Variants in UGP2 observed in about 807,000 individuals in gnomAD.
UGP2 encodes UDP-glucose pyrophosphorylase 2.
UGP2 carries 40 observed loss-of-function variants against 49.0 expected under a neutral mutation model. That is an observed-to-expected ratio of 0.82 (90% CI 0.63 to 1.06). UGP2 has a LOEUF of 1.06. UGP2 is among the 50% of genes least tolerant of loss of function. The pLI is 0.00. For synonymous variants in UGP2, 225 were observed against 213.0 expected, an observed-to-expected ratio of 1.06 and a Z score of -0.49; for missense variants, 460 against 603.5, an observed-to-expected ratio of 0.76 and a Z score of 2.49.
intron 1 of UGP2, among the ~76,000 whole-genome samples, chr2:63,847,432 A>C (rs992351792): frequency 1.3e-5 from 2 of 152,198 alleles, no homozygotes; most frequent in Non-Finnish European, 1.5e-5. Flanking sequence ...GTAGTTTCCT[A>C]GTTCCCACCA....
chr2:63,880,522 TTA>T (rs1343552997), intron 3 of UGP2, among the ~76,000 whole-genome samples: 1 of 152,146 alleles, frequency 6.6e-6, no homozygotes, highest in Non-Finnish European at 1.5e-5. Flanking sequence ...AGCTACCCTG[TTA>T]TATCAGGGTG....
intron 1 of UGP2, among the ~76,000 whole-genome samples, chr2:63,846,589 G>A (rs972090602): frequency 6.6e-6 from 1 of 152,186 alleles, no homozygotes; most frequent in African/African-American, 2.4e-5. Flanking sequence ...AGGCCTATCA[G>A]CTTTCCCATT....
At chr2:63,886,935 G>C (rs1220060140) in intron 7 of UGP2, among the ~76,000 whole-genome samples, 2 of 152,176 alleles carry the variant, frequency 1.3e-5, no homozygotes, top group Admixed American at 1.3e-4. Flanking sequence ...ACATGTTTAA[G>C]AGTTTGGCAT....
At chr2:63,849,324 ATTTTC>A (rs892848473) in intron 1 of UGP2, among the ~76,000 whole-genome samples, 4 of 152,182 alleles carry the variant, frequency 2.6e-5, no homozygotes, top group Non-Finnish European at 4.4e-5. Flanking sequence ...TGGAGTTTGT[ATTTTC>A]TTCTATTTGC....
At chr2:63,885,920 T>G (rs369910572) in intron 6 of UGP2, 34 bp downstream of exon 6, 99 of 1,502,232 alleles carry the variant, frequency 6.6e-5, no homozygotes, top group Non-Finnish European at 8.6e-5. Flanking sequence ...TAGGGCTTCA[T>G]GTTTTCACAT....
chr2:63,865,557 GAGAC>G (rs1670128331), intron 3 of UGP2, among the ~76,000 whole-genome samples: 1 of 112,322 alleles, frequency 8.9e-6, no homozygotes, highest in Non-Finnish European at 1.8e-5. Context: ...TTTTTTTAAA[GAGAC>G]AGGGTCTCAC....
At chr2:63,887,262 CTCA>C in intron 7 of UGP2, 137 bp from the exon 8 acceptor site, 2 of 1,141,768 alleles carry the variant, frequency 1.8e-6, no homozygotes, top group Non-Finnish European at 2.4e-6. Context: ...AAGACTCCTT[CTCA>C]AAAAAAAAAA....
chr2:63,849,115 G>T lies in UGP2; in HGVS notation c.19+6911G>T, dbSNP rs562747063. Among the ~76,000 whole-genome samples, 56 of 152,246 alleles carry T rather than the reference G, an allele frequency of 3.7e-4. No individual in the cohort carries two copies. In the South Asian group the frequency reaches 5.6e-3, roughly 15 times the overall value. On this transcript the variant is annotated intron_variant, in intron 1 of 9. Coordinates refer to ENST00000337130, the MANE Select transcript of UGP2 (RefSeq NM_006759.4). Reference sequence around the variant, plus strand: ...TTAGTTTTTTCTGTGTAAATCAAGAGAATTGTTTCTTTGTGATTTCGCTTG... The same window carrying T: ...TTAGTTTTTTCTGTGTAAATCAAGATAATTGTTTCTTTGTGATTTCGCTTG...
chr2:63,862,433 C>T (rs1669912859), intron 3 of UGP2, among the ~76,000 whole-genome samples: 1 of 152,116 alleles, frequency 6.6e-6, no homozygotes, highest in Admixed American at 6.5e-5. Context: ...CTCGGGATTA[C>T]CTTCCTTCAC....
chr2:63,873,772 C>A (rs1670724828), intron 3 of UGP2, among the ~76,000 whole-genome samples: 1 of 152,196 alleles, frequency 6.6e-6, no homozygotes, highest in South Asian at 2.1e-4. Context: ...ACCTTGCAAA[C>A]CCTATCTTCC....
At chr2:63,852,488 A>C (rs1031207964) in intron 1 of UGP2, among the ~76,000 whole-genome samples, 3 of 152,256 alleles carry the variant, frequency 2.0e-5, no homozygotes, top group Non-Finnish European at 2.9e-5. Context: ...CTACTCCAAA[A>C]GATACTTCAG....
At position 63,883,973 on chromosome 2, in the gene UGP2, C is replaced by T; in HGVS notation, c.455C>T (p.Thr152Ile). ...TTTCCTCCCTAGCATTTGAATAAAA[C>T]CTACAATACAGATGTTCCTCTTGTT... is the stretch of plus-strand genomic sequence containing the variant. The part of the protein sequence containing the change: ...TVQQIEHLNK[T>I]YNTDVPLVLM... Residue 152 changes from threonine to isoleucine, a missense_variant, in exon 5 of 10, where the codon ACC becomes ATC. Thr to Ile is a moderately conservative substitution (Grantham distance 89). This residue lies in a region of UGP2 where 317 missense variants were observed against 473.0 expected (regional missense o/e 0.67). Coordinates refer to ENST00000337130, the MANE Select transcript of UGP2 (RefSeq NM_006759.4). 4 of 1,603,708 alleles carry T rather than the reference C, an allele frequency of 2.5e-6. No homozygotes were observed. In the South Asian group the frequency reaches 3.4e-5, roughly 14 times the overall value.
chr2:63,874,543 G>A (rs1341093458), intron 3 of UGP2, among the ~76,000 whole-genome samples: 1 of 152,170 alleles, frequency 6.6e-6, no homozygotes, highest in East Asian at 1.9e-4. Flanking sequence ...AGAGTATGGT[G>A]TTTCATAGGT....
chr2:63,884,162 A>G (rs1671504557), intron 5 of UGP2, 69 bp downstream of exon 5: 1 of 1,570,896 alleles, frequency 6.4e-7, no homozygotes, highest in South Asian at 1.2e-5. Flanking sequence ...CTTGTTTATA[A>G]CAGAGCAGTT....
At chr2:63,861,180 A>G (rs1669815863) in intron 3 of UGP2, among the ~76,000 whole-genome samples, 1 of 152,014 alleles carries the variant, frequency 6.6e-6, no homozygotes, top group Non-Finnish European at 1.5e-5. Flanking sequence ...ATATATATAA[A>G]GGTTAATGTT....
At chr2:63,843,878 T>A (rs1230755820) in intron 1 of UGP2, among the ~76,000 whole-genome samples, 2 of 152,218 alleles carry the variant, frequency 1.3e-5, no homozygotes, top group Admixed American at 1.3e-4. Context: ...ACTTTTTTTC[T>A]TTTTTCTTTT....
chr2:63,855,497 G>C (rs1669330278), intron 1 of UGP2: 1 of 372,728 alleles, frequency 2.7e-6, no homozygotes. Context: ...CAAAGTGTTT[G>C]GGTCTGGGGT....
At chr2:63,881,348 T>TACACACACACACAC (rs34467113) in intron 3 of UGP2, among the ~76,000 whole-genome samples, 3 of 145,820 alleles carry the variant, frequency 2.1e-5, no homozygotes, top group African/African-American at 7.6e-5. Context: ...ACCTACCCAT[T>TACACACACACACAC]ACACACACAC....
chr2:63,859,812 G>T (rs1669710949), intron 3 of UGP2, among the ~76,000 whole-genome samples: 2 of 152,126 alleles, frequency 1.3e-5, no homozygotes, highest in African/African-American at 4.8e-5. Flanking sequence ...AAATGTATTT[G>T]CAATCCCATA....
Sources: allele counts gnomAD v4.1 joint callset (sites outside exome capture counted in the v4.1 genomes callset), GRCh38; gene constraint gnomAD v4.1.1; regional missense constraint gnomAD v4.1.1; transcripts MANE v1.5; gene names NCBI Gene and HGNC (gene_info 2026-07-23, HGNC 2026-07-21).